The following MEGF11 variants were observed in gnomAD, a reference collection of about 807,000 sequenced individuals.
MEGF11 encodes multiple epidermal growth factor-like domains protein 11.
In MEGF11, 126 loss-of-function variants were observed where a neutral mutation model predicts 146.6. That is an observed-to-expected ratio of 0.86 (90% CI 0.74 to 1.00). The LOEUF (loss-of-function observed/expected upper bound fraction) is 1.00. MEGF11 is among the 50% of genes least tolerant of loss of function. The pLI is 0.00. For synonymous variants in MEGF11, 532 were observed against 583.4 expected, an observed-to-expected ratio of 0.91 and a Z score of 1.27; for missense variants, 1,509 against 1,521.2, an observed-to-expected ratio of 0.99 and a Z score of 0.13.
chr15:66,169,333 C>A (rs1291180194), intron 1 of MEGF11, among the ~76,000 whole-genome samples: 1 of 152,240 alleles, frequency 6.6e-6, no homozygotes, highest in African/African-American at 2.4e-5. Flanking sequence ...GACCCTCCAC[C>A]GTCTGCCCAA....
intron 5 of MEGF11, among the ~76,000 whole-genome samples, chr15:65,984,574 G>A (rs1237329793): frequency 7.0e-6 from 1 of 142,082 alleles, no homozygotes; most frequent in Non-Finnish European, 1.5e-5. Flanking sequence ...GAGAGTGACT[G>A]AGTATCCAGC....
At chr15:66,044,960 G>A (rs1461435380) in intron 5 of MEGF11, among the ~76,000 whole-genome samples, 2 of 151,646 alleles carry the variant, frequency 1.3e-5, no homozygotes, top group Non-Finnish European at 2.9e-5. Flanking sequence ...GAGGAGCTGG[G>A]AGAAAGTCTT....
At chr15:65,998,037 G>T (rs1283330274) in intron 5 of MEGF11, among the ~76,000 whole-genome samples, 1 of 152,114 alleles carries the variant, frequency 6.6e-6, no homozygotes, top group Non-Finnish European at 1.5e-5. Context: ...AGGGGTGGGG[G>T]GCACTGTGAG....
intron 5 of MEGF11, among the ~76,000 whole-genome samples, chr15:66,079,436 G>A (rs562970642): frequency 2.6e-5 from 4 of 152,180 alleles, no homozygotes; most frequent in Admixed American, 1.3e-4. Context: ...CAGCAGTGGC[G>A]GGCTGGGCAG....
chr15:65,895,311 ATTTGT>A lies in MEGF11; in HGVS notation c.*2618_*2622del, dbSNP rs1017656858. On this transcript the variant is annotated 3_prime_UTR_variant, in exon 26 of 26. Transcript: ENST00000395614. The stretch of plus-strand genomic sequence containing the variant: ...CATTCTTGTTAAATTAGTTTGAGAA[ATTTGT>A]TTTATTTTGTACAAGGTACAATCCC... 21 of 152,738 alleles carry A rather than the reference ATTTGT, an allele frequency of 1.4e-4. No individual in the cohort carries two copies. The highest frequency in any genetic ancestry group is 2.0e-4 in the Admixed American group (3 of 15,302). 9.5% of individuals were successfully genotyped at this position (152,738 alleles called of 1,614,324 possible).
Position 65,913,765 on chromosome 15 carries a change from C to T in MEGF11, c.2682G>A (p.Arg894=). 1 of 1,613,458 alleles carries T rather than the reference C, an allele frequency of 6.2e-7. No individual in the cohort carries two copies. The highest frequency in any genetic ancestry group is 8.5e-7 in the Non-Finnish European group (1 of 1,179,670). The change falls in exon 20 of 26, where the codon AGG becomes AGA. Residue 894 remains arginine (R), a synonymous_variant. Transcript: ENST00000395614. ...APRVSYTPAM[R]MTSTDYSLSD... The stretch of plus-strand genomic sequence containing the variant: ...AGAGGGAGTAGTCGGTGCTGGTCAT[C>T]CTCATGGCAGGTGTGTAGGAGACAC...
At chr15:66,098,112 G>A (rs1597080375) in intron 4 of MEGF11, among the ~76,000 whole-genome samples, 1 of 152,158 alleles carries the variant, frequency 6.6e-6, no homozygotes, top group African/African-American at 2.4e-5. Context: ...AGCTTGGCCC[G>A]GGAACAAACG....
chr15:66,105,316 G>A (rs2140805578), intron 4 of MEGF11, among the ~76,000 whole-genome samples: 1 of 152,256 alleles, frequency 6.6e-6, no homozygotes, highest in African/African-American at 2.4e-5. Flanking sequence ...ACAGAAAAGG[G>A]AGAAGGAGGC....
chr15:66,221,870 AT>A (rs2091746644), intron 1 of MEGF11, among the ~76,000 whole-genome samples: 1 of 150,872 alleles, frequency 6.6e-6, no homozygotes. Context: ...ATCCCATTAC[AT>A]AAAGCCACAT....
chr15:66,173,011 A>G (rs943878599), intron 1 of MEGF11, among the ~76,000 whole-genome samples: 4 of 152,174 alleles, frequency 2.6e-5, no homozygotes, highest in Admixed American at 6.5e-5. Context: ...AGGTGCTATC[A>G]GGGCTCAAAG....
At chr15:65,917,339 T>C (rs546573130) in intron 16 of MEGF11, among the ~76,000 whole-genome samples, 2 of 152,204 alleles carry the variant, frequency 1.3e-5, no homozygotes, top group East Asian at 3.9e-4. Context: ...GGAGCTCTCT[T>C]CTCTCAGTTG....
At chr15:65,970,499 C>G in intron 8 of MEGF11, 54 bp downstream of exon 8, 1 of 1,580,886 alleles carries the variant, frequency 6.3e-7, no homozygotes, top group Non-Finnish European at 8.6e-7. Flanking sequence ...CTGCAAGTCT[C>G]CTATGAATAT....
In MEGF11 at chr15:65,909,746, C is replaced by G. The variant is rs1023966516; in HGVS notation, c.2890G>C (p.Val964Leu). 2.5e-6 allele frequency: 4 copies of G among 1,578,850 alleles called. No homozygotes were observed. The highest frequency in any genetic ancestry group is 3.4e-6 in the Non-Finnish European group (4 of 1,170,162). ...AGWTPYSYVN[V>L]LDSHFQISAL... is the part of the protein sequence containing the mutation. ...GACTCACACCACTACTGACCTAACA[C>G]GTTCACATAGCTGTAGGGGGTCCAG... Residue 964 changes from valine (V) to leucine (L), a missense_variant, in exon 22 of 26, where the codon GTG becomes CTG. Transcript: ENST00000395614.
At chr15:66,184,421 A>T (rs931378303) in intron 1 of MEGF11, among the ~76,000 whole-genome samples, 3 of 151,834 alleles carry the variant, frequency 2.0e-5, no homozygotes, top group Non-Finnish European at 4.4e-5. Flanking sequence ...CCGCCCTAAG[A>T]ATCCGTGCCC....
chr15:66,213,833 C>T (rs1043667960), intron 1 of MEGF11, among the ~76,000 whole-genome samples: 1 of 152,060 alleles, frequency 6.6e-6, no homozygotes, highest in African/African-American at 2.4e-5. Context: ...AAGCTCTCTC[C>T]ACCCTGCCAG....
intron 10 of MEGF11, among the ~76,000 whole-genome samples, chr15:65,938,750 C>G (rs556591151): frequency 6.6e-6 from 1 of 152,242 alleles, no homozygotes; most frequent in Admixed American, 6.5e-5. Context: ...AAACCCTCGA[C>G]GCTGGTCCCA....
At chr15:66,202,784 G>A (rs11852601) in intron 1 of MEGF11, among the ~76,000 whole-genome samples, 38,733 of 152,080 alleles carry the variant, frequency 0.25, 5,230 homozygotes, top group East Asian at 0.51. Context: ...AAGCTCTGGC[G>A]CCCACAGGCA....
intron 1 of MEGF11, among the ~76,000 whole-genome samples, chr15:66,234,284 G>A (rs763756490): frequency 3.3e-5 from 5 of 152,186 alleles, no homozygotes; most frequent in Non-Finnish European, 5.9e-5. Context: ...GTGCTAACAC[G>A]CCGAGAGGAA....
chr15:66,151,694 T>C lies in MEGF11; in HGVS notation c.-8-23283A>G, dbSNP rs17176382. ...TCATTAGCTCTGGTTGACTCTTGTT[T>C]CCAGCAGACAAGAGCTCCCAGTAGC... On this transcript the variant is annotated intron_variant, in intron 1 of 25. Coordinates refer to ENST00000395614, the MANE Select transcript of MEGF11 (RefSeq NM_001385028.1). Among the ~76,000 whole-genome samples the C allele has an allele frequency of 8.8e-3, 1,346 of 152,276 alleles. 10 individuals are homozygous for C. The highest frequency in any genetic ancestry group is 0.013 in the Non-Finnish European group (887 of 68,016).
Sources: gnomAD v4.1 joint callset for allele counts (sites outside exome capture counted in the v4.1 genomes callset) on GRCh38, gnomAD v4.1.1 for gene constraint, MANE v1.5 for transcripts, NCBI Gene and HGNC (gene_info 2026-07-23, HGNC 2026-07-21) for gene names.